MACROD2: variants seen among roughly 807,000 people sequenced by gnomAD.
The protein encoded by MACROD2 is ADP-ribose glycohydrolase MACROD2.
In MACROD2, 36 loss-of-function variants were observed where a neutral mutation model predicts 70.4. The ratio of observed to expected loss-of-function variants is 0.51; its 90% CI spans 0.39 to 0.68. The LOEUF is 0.68. Among genes scored for constraint, MACROD2 ranks in the 30% least tolerant of loss-of-function variants. MACROD2 has a pLI of 0.00. For missense variants in MACROD2, 496 were observed against 538.4 expected, an observed-to-expected ratio of 0.92 and a Z score of 0.78; for synonymous variants, 172 against 178.8, an observed-to-expected ratio of 0.96 and a Z score of 0.30.
chr20:14,037,623 C>T (rs763433919), intron 2 of MACROD2, among the ~76,000 whole-genome samples: 12 of 145,094 alleles, frequency 8.3e-5, no homozygotes, highest in Non-Finnish European at 1.2e-4. Context: ...TATGTGAACA[C>T]GCCAACTGTG....
At chr20:14,917,191 T>C (rs1026919488) in intron 5 of MACROD2, among the ~76,000 whole-genome samples, 3 of 150,560 alleles carry the variant, frequency 2.0e-5, no homozygotes, top group South Asian at 2.1e-4. Context: ...CCACCCTCCA[T>C]TGTGCATCCT....
At chr20:14,186,242 C>T (rs1051949133) in intron 3 of MACROD2, among the ~76,000 whole-genome samples, 1 of 152,164 alleles carries the variant, frequency 6.6e-6, no homozygotes, top group Non-Finnish European at 1.5e-5. Context: ...CAGATTAACA[C>T]AACTTCTATC....
chr20:15,233,253 T>A (rs175290), intron 6 of MACROD2, among the ~76,000 whole-genome samples: 42,012 of 151,900 alleles, frequency 0.28, 5,974 homozygotes, highest in African/African-American at 0.33. Context: ...ATTAATTTTC[T>A]AATACATTAA....
rs397864871 is a variant in MACROD2 at position 15,349,755 on chromosome 20, C to CAA, written c.541-81637_541-81636dup. Among the ~76,000 whole-genome samples, 65 of 124,562 alleles carry CAA rather than the reference C, an allele frequency of 5.2e-4. 1 individual carries two copies. Among genetic ancestry groups the CAA allele is most frequent in the East Asian group, 1.1e-3 (5 of 4,420 alleles). The allele number at this position is 124,562 out of a possible 152,430, so 81.7% of individuals were successfully genotyped here. A position where few individuals can be genotyped will look rare whatever the true frequency, so the allele number is the denominator to read the frequency against. ...TGGATGACAGAGAAAAACTCAGTCT[C>CAA]AAAAAAAAAAAAAACACACCACGAA... On this transcript the variant is annotated intron_variant, in intron 6 of 17. Coordinates refer to ENST00000684519, the MANE Select transcript of MACROD2 (RefSeq NM_001351661.2).
chr20:15,073,339 C>T (rs561893305), intron 5 of MACROD2, among the ~76,000 whole-genome samples: 3 of 152,074 alleles, frequency 2.0e-5, no homozygotes, highest in South Asian at 2.1e-4. Context: ...ATTCTCACTA[C>T]TAGAAACACA....
intron 5 of MACROD2, among the ~76,000 whole-genome samples, chr20:15,168,605 G>A (rs952010075): frequency 6.6e-6 from 1 of 152,022 alleles, no homozygotes; most frequent in East Asian, 1.9e-4. Flanking sequence ...AAGGCCAAAA[G>A]GTGGAAACAA....
chr20:14,635,629 C>T (rs1375425279), intron 4 of MACROD2, among the ~76,000 whole-genome samples: 1 of 152,110 alleles, frequency 6.6e-6, no homozygotes, highest in African/African-American at 2.4e-5. Flanking sequence ...ATGTATTTGT[C>T]ATTTACAAAG....
chr20:15,114,989 C>G (rs145578327), intron 5 of MACROD2, among the ~76,000 whole-genome samples: 1,614 of 152,262 alleles, frequency 0.011, 8 homozygotes, highest in Non-Finnish European at 0.014. Flanking sequence ...CCCTGAAACA[C>G]TCTTGCTACC....
intron 7 of MACROD2, among the ~76,000 whole-genome samples, chr20:15,474,157 A>G (rs1163210589): frequency 1.3e-5 from 2 of 152,380 alleles, no homozygotes; most frequent in South Asian, 2.1e-4. Context: ...TGCATATCTC[A>G]TTGTAAGAGC....
At chr20:14,541,581 T>G (rs2085433212) in intron 4 of MACROD2, among the ~76,000 whole-genome samples, 1 of 149,204 alleles carries the variant, frequency 6.7e-6, no homozygotes, top group South Asian at 2.2e-4. Context: ...GCCTAGCACA[T>G]GTACACACAG....
intron 5 of MACROD2, among the ~76,000 whole-genome samples, chr20:14,941,260 T>A (rs899579789): frequency 3.9e-5 from 6 of 152,080 alleles, no homozygotes; most frequent in African/African-American, 1.4e-4. Context: ...TATTGGGTCT[T>A]CTCTCTTTTT....
chr20:14,019,197 A>G (rs1305313127), intron 2 of MACROD2, among the ~76,000 whole-genome samples: 1 of 152,182 alleles, frequency 6.6e-6, no homozygotes, highest in African/African-American at 2.4e-5. Context: ...ACAGAGTGTA[A>G]TACACGTAGA....
chr20:14,984,420 C>T (rs970120884), intron 5 of MACROD2, among the ~76,000 whole-genome samples: 11 of 152,212 alleles, frequency 7.2e-5, no homozygotes, highest in South Asian at 2.1e-4. Context: ...CAAGAATATC[C>T]GGAATAGTCA....
intron 8 of MACROD2, among the ~76,000 whole-genome samples, chr20:15,698,145 A>T (rs2050403373): frequency 6.6e-6 from 1 of 152,010 alleles, no homozygotes; most frequent in South Asian, 2.1e-4. Context: ...TTTTGCTTGT[A>T]ACTTGTATTT....
intron 3 of MACROD2, among the ~76,000 whole-genome samples, chr20:14,458,517 T>C (rs1048231284): frequency 6.6e-6 from 1 of 152,128 alleles, no homozygotes; most frequent in African/African-American, 2.4e-5. Flanking sequence ...ATGTTTTCTG[T>C]GGCCATCTGT....
chr20:14,003,028 G>T (rs939579735), intron 2 of MACROD2, among the ~76,000 whole-genome samples: 2 of 152,306 alleles, frequency 1.3e-5, no homozygotes, highest in East Asian at 1.9e-4. Flanking sequence ...AGATTTAATG[G>T]ATGTTTAATA....
intron 8 of MACROD2, among the ~76,000 whole-genome samples, chr20:15,751,656 C>T (rs2051271790): frequency 6.6e-6 from 1 of 151,858 alleles, no homozygotes; most frequent in Non-Finnish European, 1.5e-5. Context: ...GCATAAATTG[C>T]TAAGATGTAA....
At chr20:15,896,399 T>A (rs1470988064) in intron 10 of MACROD2, among the ~76,000 whole-genome samples, 1 of 152,188 alleles carries the variant, frequency 6.6e-6, no homozygotes, top group East Asian at 1.9e-4. Flanking sequence ...ATAGTCATAA[T>A]AACTGTATTT....
chr20:15,551,463 C>T (rs2048095931), intron 8 of MACROD2, among the ~76,000 whole-genome samples: 1 of 151,766 alleles, frequency 6.6e-6, no homozygotes, highest in Non-Finnish European at 1.5e-5. Context: ...TCAGAAGGGA[C>T]CGAAGAGAAA....
Sources: gnomAD v4.1 joint callset for allele counts (sites outside exome capture counted in the v4.1 genomes callset) on GRCh38, gnomAD v4.1.1 for gene constraint, MANE v1.5 for transcripts, NCBI Gene and HGNC (gene_info 2026-07-23, HGNC 2026-07-21) for gene names.